Variants in NCR1 observed in about 807,000 individuals in gnomAD.
NCR1 encodes NK cell-activating receptor.
NCR1 carries 30 observed loss-of-function variants against 32.5 expected under a neutral mutation model. The observed-to-expected ratio is 0.92, with a 90% CI of 0.69 to 1.25. The LOEUF (loss-of-function observed/expected upper bound fraction) is 1.25, where lower values mean the gene tolerates loss of function less well. Among genes scored for constraint, NCR1 ranks in the 50% most tolerant of loss-of-function variants. NCR1 has a pLI of 0.00. For synonymous variants in NCR1, 169 were observed against 143.4 expected (o/e 1.18, Z -1.28); for missense variants, 369 against 380.7 (o/e 0.97, Z 0.26).
chr19:54,938,113 A>AG, the NCR1 span: 3 of 1,613,974 alleles, frequency 1.9e-6, no homozygotes, highest in South Asian at 2.2e-5. Flanking sequence ...AGAGTCACTC[A>AG]GGAAGCTTTG....
chr19:54,913,247 C>T (rs1218652982), downstream of NCR1: 4 of 159,368 alleles, frequency 2.5e-5, no homozygotes, highest in East Asian at 1.8e-4. Context: ...TTAGTGGAGA[C>T]GGGGTTTCTC....
At chr19:54,938,175 A>G in the NCR1 span, 8 of 1,613,940 alleles carry the variant, frequency 5.0e-6, no homozygotes, top group South Asian at 3.3e-5. Context: ...GAGAGCAGAA[A>G]TCTGTCCAGA....
downstream of NCR1, among the ~76,000 whole-genome samples, chr19:54,918,718 G>A (rs981812884): frequency 2.6e-5 from 4 of 151,320 alleles, no homozygotes; most frequent in Non-Finnish European, 5.9e-5. Flanking sequence ...GGTGGCTCAC[G>A]CCTGTAATCC....
At chr19:54,915,219 A>G (rs759258876), downstream of NCR1, among the ~76,000 whole-genome samples, 7 of 152,074 alleles carry the variant, frequency 4.6e-5, no homozygotes, top group Non-Finnish European at 7.4e-5. Context: ...TTCTCGGGAA[A>G]TATATATCAA....
chr19:54,931,909 A>G, the NCR1 span, among the ~76,000 whole-genome samples: 1 of 151,828 alleles, frequency 6.6e-6, no homozygotes, highest in Non-Finnish European at 1.5e-5. Context: ...TGCCTGGGAC[A>G]ACAGCTTAGG....
At chr19:54,918,655 G>A (rs2068181847), downstream of NCR1, among the ~76,000 whole-genome samples, 1 of 151,948 alleles carries the variant, frequency 6.6e-6, no homozygotes, top group Non-Finnish European at 1.5e-5. Context: ...CTCTGCCTTT[G>A]TGTACCAACA....
chr19:54,934,287 G>A, the NCR1 span, among the ~76,000 whole-genome samples: 2 of 152,072 alleles, frequency 1.3e-5, no homozygotes, highest in African/African-American at 2.4e-5. The surrounding 1 kb of genome is among the most constrained non-coding windows in gnomAD (Gnocchi z 6.7). Context: ...ATGTTGGCCA[G>A]GTTGGTCTCG....
the NCR1 span, chr19:54,936,122 T>A: frequency 4.0e-6 from 3 of 749,618 alleles, no homozygotes; most frequent in Non-Finnish European, 4.7e-6. Context: ...AGAGGCCGAC[T>A]CCCCCACACA....
the NCR1 span, chr19:54,933,430 C>T: frequency 3.7e-6 from 4 of 1,075,970 alleles, no homozygotes; most frequent in Admixed American, 8.0e-5. Context: ...CAGGCATGAG[C>T]CACCACGCCT....
the NCR1 span, chr19:54,923,440 C>A: frequency 2.2e-6 from 1 of 462,436 alleles, no homozygotes; most frequent in Non-Finnish European, 4.0e-6. Flanking sequence ...AGCAATACTT[C>A]CTCCTAGACA....
At chr19:54,906,456 G>C (rs1468949537) in intron 2 of NCR1, 67 bp from the exon 3 acceptor site, 17 of 1,599,898 alleles carry the variant, frequency 1.1e-5, no homozygotes, top group Non-Finnish European at 1.4e-5. Context: ...GGGGCCAGCA[G>C]CTGGGTGGAG....
the NCR1 span, among the ~76,000 whole-genome samples, chr19:54,922,843 C>T: frequency 2.1e-5 from 3 of 144,498 alleles, no homozygotes; most frequent in South Asian, 2.2e-4. Flanking sequence ...GAGATAGAAA[C>T]GCCCAGCGAC....
At chr19:54,934,847 T>G in the NCR1 span, among the ~76,000 whole-genome samples, 5 of 152,002 alleles carry the variant, frequency 3.3e-5, no homozygotes, top group Admixed American at 6.6e-5. The surrounding 1 kb of genome is among the most constrained non-coding windows in gnomAD (Gnocchi z 6.7). Context: ...GTAGCTGGGA[T>G]TACAGGCATT....
At chr19:54,915,057 C>T (rs75028450), downstream of NCR1, among the ~76,000 whole-genome samples, 2,941 of 152,148 alleles carry the variant, frequency 0.019, 91 homozygotes, top group African/African-American at 0.067. Context: ...CAACACTTTC[C>T]TCATCCCAAA....
At chr19:54,899,160 G>A in the NCR1 span, among the ~76,000 whole-genome samples, 63,405 of 151,852 alleles carry the variant, frequency 0.42, 13,958 homozygotes, top group Non-Finnish European at 0.49. Flanking sequence ...ACCTCAGACC[G>A]TTTGCCCATT....
chr19:54,924,160 G>T, the NCR1 span, among the ~76,000 whole-genome samples: 1 of 152,094 alleles, frequency 6.6e-6, no homozygotes, highest in East Asian at 1.9e-4. Context: ...TAGAGATGGG[G>T]TTTCGACATG....
the NCR1 span, among the ~76,000 whole-genome samples, chr19:54,922,949 AAGAGAGACACACAGAGACAGAGAGAG>A: frequency 7.4e-4 from 112 of 151,460 alleles, no homozygotes; most frequent in Middle Eastern, 3.4e-3. Flanking sequence ...CAGAGAAACA[AAGAGAGACACACAGAGACAGAGAGAG>A]AGAGAGACAC....
the NCR1 span, among the ~76,000 whole-genome samples, chr19:54,922,185 G>A: frequency 2.0e-5 from 3 of 152,100 alleles, no homozygotes; most frequent in Non-Finnish European, 4.4e-5. Flanking sequence ...GAGCCACAGC[G>A]CCTGGCTGCT....
At chr19:54,926,444 C>A in the NCR1 span, among the ~76,000 whole-genome samples, 1 of 152,070 alleles carries the variant, frequency 6.6e-6, no homozygotes, top group Non-Finnish European at 1.5e-5. Context: ...ACACACACTC[C>A]CAAAAAAACT....
Sources: allele counts gnomAD v4.1 joint callset (sites outside exome capture counted in the v4.1 genomes callset), GRCh38; gene constraint gnomAD v4.1.1; non-coding constraint Gnocchi (gnomAD v3.1); transcripts MANE v1.5; gene names NCBI Gene and HGNC (gene_info 2026-07-23, HGNC 2026-07-21).